Variants in SIGLEC15 observed in about 807,000 individuals in gnomAD.
SIGLEC15 encodes sialic acid binding Ig like lectin 15, also known as sialic acid-binding Ig-like lectin 15.
SIGLEC15 carries 31 observed loss-of-function variants against 26.2 expected under a neutral mutation model. The ratio of observed to expected loss-of-function variants is 1.18; its 90% CI spans 0.89 to 1.60. SIGLEC15 has a LOEUF of 1.60. SIGLEC15 is among the 40% of genes most tolerant of loss of function. The pLI is 0.00. For missense variants in SIGLEC15, 501 were observed against 488.4 expected (o/e 1.03, Z -0.24); for synonymous variants, 207 against 221.9 (o/e 0.93, Z 0.60).
intron 4 of SIGLEC15, 65 bp from the exon 5 acceptor site, chr18:45,840,146 G>T (rs2048312886): frequency 1.9e-6 from 3 of 1,583,184 alleles, no homozygotes; most frequent in East Asian, 4.5e-5. Context: ...ATGGGTGGGG[G>T]TGGGCGCACA....
chr18:45,831,217 C>T (rs954970806), intron 1 of SIGLEC15, among the ~76,000 whole-genome samples: 13 of 152,204 alleles, frequency 8.5e-5, no homozygotes, highest in Non-Finnish European at 4.4e-5. Context: ...GCTACACTCG[C>T]CTGCTGCCGT....
chr18:45,832,824 C>T (rs549729557), intron 1 of SIGLEC15, among the ~76,000 whole-genome samples: 3 of 152,246 alleles, frequency 2.0e-5, no homozygotes, highest in South Asian at 2.1e-4. Context: ...CCAAAGCAAG[C>T]GCATTTTTTT....
intron 1 of SIGLEC15, among the ~76,000 whole-genome samples, chr18:45,829,374 T>C (rs1261197723): frequency 6.6e-6 from 1 of 152,212 alleles, no homozygotes. Flanking sequence ...CTCCCTCCTC[T>C]GCTCTCTGAT....
At chr18:45,841,364 G>A (rs1364099065) in intron 5 of SIGLEC15, among the ~76,000 whole-genome samples, 1 of 152,192 alleles carries the variant, frequency 6.6e-6, no homozygotes, top group Non-Finnish European at 1.5e-5. Flanking sequence ...AGACTCAGGT[G>A]AGGCCCAGAA....
intron 5 of SIGLEC15, among the ~76,000 whole-genome samples, chr18:45,841,888 T>C (rs2048327571): frequency 6.6e-6 from 1 of 152,080 alleles, no homozygotes; most frequent in African/African-American, 2.4e-5. Flanking sequence ...CAGACAGAGA[T>C]AGCAACTCTA....
At chr18:45,836,066 T>C (rs1280668884) in intron 1 of SIGLEC15, among the ~76,000 whole-genome samples, 4 of 152,166 alleles carry the variant, frequency 2.6e-5, no homozygotes, top group Non-Finnish European at 4.4e-5. Context: ...CCTGTGATTA[T>C]TCATAGATGG....
chr18:45,835,129 T>C (rs1009973883), intron 1 of SIGLEC15, among the ~76,000 whole-genome samples: 2 of 151,448 alleles, frequency 1.3e-5, no homozygotes, highest in Non-Finnish European at 2.9e-5. Context: ...AAAAAAGAAC[T>C]TGTAGTTTTG....
Position 45,842,255 on chromosome 18 carries a change from G to GT in SIGLEC15, c.*68_*69insT. 3.2e-6 allele frequency: 5 copies of GT among 1,560,878 alleles called. No individual in the cohort carries two copies. Among genetic ancestry groups the GT allele is most frequent in the African/African-American group, 1.4e-5 (1 of 73,942 alleles). On this transcript the variant is annotated 3_prime_UTR_variant, in exon 6 of 6. Coordinates refer to ENST00000389474, the MANE Select transcript of SIGLEC15 (RefSeq NM_213602.3). ...ACAAAGGCCAGTGCGAGGCTTGGCT[G>GT]GCACAGCCAGTCCTGGTTCTCGGGC... is the stretch of plus-strand genomic sequence containing the variant.
chr18:45,839,045 CGCT>C lies in SIGLEC15; in HGVS notation c.834_836del (p.Leu279del). 1.3e-6 allele frequency: 2 copies of C among 1,542,684 alleles called. No homozygotes were observed. The highest frequency in any genetic ancestry group is 1.7e-6 in the Non-Finnish European group (2 of 1,154,732). ...CTGCTCGGCGCTCTCGGCTTCAAGG[CGCT>C]GCTGCTGCTCGGGGTCCTGGCCGCC... On this transcript the variant is annotated inframe_deletion, in exon 4 of 6. Transcript: ENST00000389474.
At chr18:45,825,869 A>C in intron 1 of SIGLEC15, 89 bp downstream of exon 1, 1 of 1,530,272 alleles carries the variant, frequency 6.5e-7, no homozygotes, top group Non-Finnish European at 9.0e-7. Context: ...GAAGGCAGGA[A>C]GCAGGTGTGC....
At position 45,837,066 on chromosome 18, in the gene SIGLEC15, C is replaced by T. The variant is rs143499176; in HGVS notation, c.90C>T (p.Asn30=). The T allele has an allele frequency of 3.8e-6, 6 of 1,596,000 alleles. No homozygotes were observed. The highest frequency in any genetic ancestry group is 1.3e-5 in the African/African-American group (1 of 74,540). The part of the protein sequence containing the change: ...FVRTKIDTTE[N]LLNTEVHSSP... Reference sequence around the variant, plus strand: ...GAACTAAAATAGATACTACGGAGAACTTGCTCAACACAGAGGTGCACAGTA... The same window carrying T: ...GAACTAAAATAGATACTACGGAGAATTTGCTCAACACAGAGGTGCACAGTA... The change falls in exon 2 of 6, where the codon AAC becomes AAT. Residue 30 remains asparagine, a synonymous_variant. Transcript: ENST00000389474.
At chr18:45,835,377 G>T (rs979899203) in intron 1 of SIGLEC15, among the ~76,000 whole-genome samples, 1 of 152,268 alleles carries the variant, frequency 6.6e-6, no homozygotes, top group African/African-American at 2.4e-5. Flanking sequence ...CATGCATATG[G>T]ACTGCATCTC....
intron 1 of SIGLEC15, among the ~76,000 whole-genome samples, chr18:45,830,583 C>CTTTGTTTT (rs1555656127): frequency 1.0e-5 from 1 of 96,702 alleles, no homozygotes; most frequent in South Asian, 3.7e-4. Flanking sequence ...ATTTTTCTTT[C>CTTTGTTTT]TTTTTTTTTT....
Position 45,837,862 on chromosome 18 carries a change from C to A in SIGLEC15, c.462C>A (p.Tyr154Ter), listed in dbSNP as rs777969239. 2.6e-6 allele frequency: 4 copies of A among 1,534,450 alleles called. No homozygotes were observed. In the East Asian group the frequency reaches 1.1e-4, roughly 40 times the overall value. ...VEFAGDVHDR[Y>*]ESRHGVRLHV... ...TCGCCGGCGACGTCCATGACCGCTA[C>A]GAGAGCCGCCACGGCGTCCGGCTGC... Residue 154 changes from tyrosine to a stop codon, truncating the protein, a stop_gained, in exon 3 of 6, where the codon TAC becomes TAA. Coordinates refer to ENST00000389474, the MANE Select transcript of SIGLEC15 (RefSeq NM_213602.3). LOFTEE classifies it high-confidence loss of function.
At chr18:45,833,324 T>A (rs2048249835) in intron 1 of SIGLEC15, among the ~76,000 whole-genome samples, 1 of 152,062 alleles carries the variant, frequency 6.6e-6, no homozygotes, top group African/African-American at 2.4e-5. Context: ...ATTTTATTAT[T>A]ATTATTATTT....
intron 1 of SIGLEC15, chr18:45,829,215 C>A: frequency 1.1e-6 from 1 of 932,058 alleles, no homozygotes; most frequent in Non-Finnish European, 1.3e-6. Flanking sequence ...CCACAGTCAG[C>A]CTGCGGCAGA....
At chr18:45,838,360 T>TCCCTAGACGGAGAG (rs2048294228) in intron 3 of SIGLEC15, among the ~76,000 whole-genome samples, 1 of 152,156 alleles carries the variant, frequency 6.6e-6, no homozygotes, top group African/African-American at 2.4e-5. Context: ...CAGGGTCCCG[T>TCCCTAGACGGAGAG]CCCTAGAGCA....
intron 1 of SIGLEC15, among the ~76,000 whole-genome samples, chr18:45,831,895 G>A (rs1051987502): frequency 1.2e-4 from 18 of 152,242 alleles, no homozygotes; most frequent in African/African-American, 4.3e-4. Context: ...GCACCACTGC[G>A]CCCAGCTAAT....
intron 1 of SIGLEC15, among the ~76,000 whole-genome samples, chr18:45,831,512 G>A (rs1029389612): frequency 6.6e-6 from 1 of 152,188 alleles, no homozygotes; most frequent in African/African-American, 2.4e-5. Flanking sequence ...GCAATGGCCA[G>A]ACTGTCAACC....
Sources: gnomAD v4.1 joint callset for allele counts (sites outside exome capture counted in the v4.1 genomes callset) on GRCh38, gnomAD v4.1.1 for gene constraint, MANE v1.5 for transcripts, NCBI Gene and HGNC (gene_info 2026-07-23, HGNC 2026-07-21) for gene names.